Variants in ECE1 observed in about 807,000 individuals in gnomAD.
ECE1 encodes the protein endothelin-converting enzyme 1.
In ECE1, 35 loss-of-function variants were observed where a neutral mutation model predicts 98.6. The observed-to-expected ratio is 0.35, with a 90% confidence interval of 0.27 to 0.47. ECE1 has a LOEUF of 0.47. Ranked by LOEUF, ECE1 falls within the 20% of genes least tolerant of loss-of-function variation. The pLI, the probability that ECE1 is intolerant of heterozygous loss-of-function variation, is 1.00. For synonymous variants in ECE1, 394 were observed against 407.1 expected (o/e 0.97, Z 0.39); for missense variants, 814 against 1,025.3 (o/e 0.79, Z 2.81).
In ECE1 at chr1:21,310,455, G is replaced by T. The variant is rs182082795; in HGVS notation, c.4-20299C>A. ...TGACTTAGTAGAGGTGGGGCCTGAT[G>T]CTGTGATTGACAGCCTGGTTAATCG... On this transcript the variant is annotated intron_variant, in intron 1 of 18. Transcript: ENST00000415912. 1.9e-3 allele frequency among the ~76,000 whole-genome samples: 284 copies of T among 152,334 alleles called. 3 individuals are homozygous for T. Among genetic ancestry groups the T allele is most frequent in the Non-Finnish European group, 9.0e-4 (61 of 68,034 alleles).
In ECE1 at chr1:21,314,058, T is replaced by C. The variant is rs1032574828; in HGVS notation, c.4-23902A>G. On this transcript the variant is annotated intron_variant, in intron 1 of 18. Coordinates refer to the ECE1 transcript ENST00000415912. ...CAAAAGCCACATCTTGAGCAATGACTTCATTCTAGGTTCCGTGCTAAGCAC... is the reference window on the plus strand; with the variant it reads ...CAAAAGCCACATCTTGAGCAATGACCTCATTCTAGGTTCCGTGCTAAGCAC... Among the ~76,000 whole-genome samples, 5 of 152,212 alleles carry C rather than the reference T, an allele frequency of 3.3e-5. No homozygotes were observed. In the East Asian group the frequency reaches 7.7e-4, roughly 23 times the overall value.
intron 14 of ECE1, among the ~76,000 whole-genome samples, chr1:21,228,382 G>A (rs977824240): frequency 5.3e-5 from 8 of 152,088 alleles, no homozygotes; most frequent in African/African-American, 1.7e-4. Flanking sequence ...TGCTTTTTAG[G>A]AGAAAACTAG....
chr1:21,256,206 G>C (rs187713219), intron 7 of ECE1, 68 bp from the exon 8 acceptor site: 15,854 of 1,526,574 alleles, frequency 0.01, 103 homozygotes, highest in Non-Finnish European at 0.013. Flanking sequence ...GAGTTGGTGG[G>C]GGGCTTGGCC....
At position 21,322,930 on chromosome 1, in the gene ECE1, G is replaced by A. The variant is rs879464639; in HGVS notation, c.3+22446C>T. On this transcript the variant is annotated intron_variant, in intron 1 of 18. Transcript: ENST00000415912. The surrounding 1 kb of genome is among the most constrained non-coding windows in gnomAD (Gnocchi z 4.1). ...GGGAGGGCAGGTCCCAGGGCTCAGG[G>A]GTTGGGGTCATTTCCAAAAACAAGG... Among the ~76,000 whole-genome samples, 1 of 152,106 alleles carries A rather than the reference G, an allele frequency of 6.6e-6. No individual in the cohort carries two copies. Among genetic ancestry groups the A allele is most frequent in the Non-Finnish European group, 1.5e-5 (1 of 68,016 alleles).
chr1:21,318,907 C>T (rs12075526), intron 1 of ECE1, among the ~76,000 whole-genome samples: 7 of 152,182 alleles, frequency 4.6e-5, no homozygotes, highest in African/African-American at 1.4e-4. Context: ...GGAAATGTGA[C>T]GTCAGCAGAG....
At position 21,319,235 on chromosome 1, in the gene ECE1, C is replaced by CT. The variant is rs1157113850; in HGVS notation, c.3+26140dup. On this transcript the variant is annotated intron_variant, in intron 1 of 18. Coordinates refer to the ECE1 transcript ENST00000415912. The surrounding 1 kb of genome is among the most constrained non-coding windows in gnomAD (Gnocchi z 4.4). The stretch of plus-strand genomic sequence containing the variant: ...TGGTGTGCGTCTATAATCCCAGCTA[C>CT]TTGGGAGGCTGAGGTGGGACAATCG... Among the ~76,000 whole-genome samples, 1 of 152,152 alleles carries CT rather than the reference C, an allele frequency of 6.6e-6. No homozygotes were observed. Among genetic ancestry groups the CT allele is most frequent in the Non-Finnish European group, 1.5e-5 (1 of 68,016 alleles).
In ECE1 at chr1:21,345,479, G is replaced by T. The variant is rs552381658; in HGVS notation, c.-101C>A. On this transcript the variant is annotated 5_prime_UTR_variant, in exon 1 of 19. Transcript: ENST00000415912. This position sits in a 1 kb window ranked among gnomAD's most constrained non-coding sequence, Gnocchi z 5.1. ...CCCAGCCCAGCTGCTCGGACGGCTCGGCTGCCTGGCCCAGGCGGCGCGCTC... is the reference window on the plus strand; with the variant it reads ...CCCAGCCCAGCTGCTCGGACGGCTCTGCTGCCTGGCCCAGGCGGCGCGCTC... 3 of 1,115,948 alleles carry T rather than the reference G, an allele frequency of 2.7e-6. No homozygotes were observed. The highest frequency in any genetic ancestry group is 3.4e-6 in the Non-Finnish European group (3 of 883,788). 69.1% of individuals were successfully genotyped at this position (1,115,948 alleles called of 1,614,324 possible). A position where few individuals can be genotyped will look rare whatever the true frequency, so the allele number is the denominator to read the frequency against.
rs1448484575 is a variant in ECE1 at position 21,345,184 on chromosome 1, C to T, written c.3+192G>A. On this transcript the variant is annotated intron_variant, in intron 1 of 18. Transcript: ENST00000415912. The surrounding 1 kb of genome is among the most constrained non-coding windows in gnomAD (Gnocchi z 5.1). ...CCCCCGACGGGACCAAGCGCAGCGC[C>T]GCCGGGAGAGCCGCGCTCTGCCCGG... The T allele has an allele frequency of 4.1e-6, 3 of 727,794 alleles. No homozygotes were observed. Among genetic ancestry groups the T allele is most frequent in the Non-Finnish European group, 5.4e-6 (3 of 560,442 alleles). 45.1% of individuals were successfully genotyped at this position (727,794 alleles called of 1,614,324 possible). A position where few individuals can be genotyped will look rare whatever the true frequency, so the allele number is the denominator to read the frequency against.
At chr1:21,333,104 C>G (rs185247696) in intron 1 of ECE1, among the ~76,000 whole-genome samples, 13 of 152,148 alleles carry the variant, frequency 8.5e-5, no homozygotes, top group Non-Finnish European at 1.6e-4. Context: ...TCCTTGGTGA[C>G]AATTCAATGG....
chr1:21,261,535 C>T (rs1175136281), intron 4 of ECE1, among the ~76,000 whole-genome samples: 2 of 152,178 alleles, frequency 1.3e-5, no homozygotes, highest in East Asian at 1.9e-4. Flanking sequence ...TTGATGAAGG[C>T]TCTCCTAAGA....
rs754211512 is a variant in ECE1 at position 21,233,440 on chromosome 1, C to T, written c.1670+118G>A. The T allele has an allele frequency of 8.6e-5, 75 of 871,998 alleles. No homozygotes were observed. The highest frequency in any genetic ancestry group is 1.2e-4 in the Non-Finnish European group (65 of 553,958). 54.0% of individuals were successfully genotyped at this position (871,998 alleles called of 1,614,324 possible). ...ATAACAAGGGCATCCACTCTTCAGA[C>T]GGCTCTCGTGATAGCTGATCGGGTG... On this transcript the variant is annotated intron_variant, in intron 14 of 18. Transcript: ENST00000374893. The surrounding 1 kb of genome is among the most constrained non-coding windows in gnomAD (Gnocchi z 4.0).
intron 14 of ECE1, among the ~76,000 whole-genome samples, chr1:21,231,512 T>C (rs1243016417): frequency 3.3e-5 from 5 of 152,062 alleles, no homozygotes; most frequent in Non-Finnish European, 7.4e-5. Context: ...TGGCTAATTT[T>C]TGTATATTTA....
chr1:21,339,074 G>A (rs1408312128), intron 1 of ECE1, among the ~76,000 whole-genome samples: 2 of 152,000 alleles, frequency 1.3e-5, no homozygotes, highest in Non-Finnish European at 2.9e-5. Context: ...CAGGCCAGGG[G>A]ACCAGGTGGT....
rs1312607658 is a variant in ECE1 at position 21,332,094 on chromosome 1, C to T, written c.3+13282G>A. ...CAGCCTTACTGCACCCTCCCCCACC[C>T]CATCCTCAGCACCCAGTGGTGTGCA... On this transcript the variant is annotated intron_variant, in intron 1 of 18. Transcript: ENST00000415912. Among the ~76,000 whole-genome samples the T allele has an allele frequency of 2.0e-5, 3 of 152,290 alleles. No homozygotes were observed. The East Asian group carries it at 5.8e-4, about 29-fold the overall frequency.
Position 21,236,784 on chromosome 1 carries a change from A to G in ECE1, c.1450T>C (p.Trp484Arg), listed in dbSNP as rs1164820430. The change falls in exon 12 of 19, where the codon TGG becomes CGG. Residue 484 changes from tryptophan to arginine, a missense_variant. Transcript: ENST00000374893. Reference sequence around the variant, plus strand: ...GATTTTCGGGTTTCCTCATCCATCCACTTCAGGGTGCTCAGGCTTTCCTCA... The same window carrying G: ...GATTTTCGGGTTTCCTCATCCATCCGCTTCAGGGTGCTCAGGCTTTCCTCA... ...AFEESLSTLK[W>R]MDEETRKSAK... 6.2e-7 allele frequency: 1 copy of G among 1,611,170 alleles called. No homozygotes were observed. The highest frequency in any genetic ancestry group is 8.5e-7 in the Non-Finnish European group (1 of 1,179,516).
intron 1 of ECE1, among the ~76,000 whole-genome samples, chr1:21,323,932 C>A (rs1413771101): frequency 6.6e-6 from 1 of 151,658 alleles, no homozygotes; most frequent in Non-Finnish European, 1.5e-5. Context: ...TATTTTCCTG[C>A]CTCAGCCTCC....
At position 21,228,107 on chromosome 1, in the gene ECE1, G is replaced by C. The variant is rs2098176828; in HGVS notation, c.1671-66C>G. On this transcript the variant is annotated intron_variant, in intron 14 of 18. Coordinates refer to ENST00000374893, the MANE Select transcript of ECE1 (RefSeq NM_001397.3). ...GGAGGCAGGTGGGGACAGCCTGCCT[G>C]GAGCGCTGCTTGGGGATCGGGAATA... is the stretch of plus-strand genomic sequence containing the variant. 8 of 1,297,834 alleles carry C rather than the reference G, an allele frequency of 6.2e-6. No individual in the cohort carries two copies. In the Admixed American group the frequency reaches 8.5e-5, roughly 14 times the overall value. The allele number at this position is 1,297,834 out of a possible 1,614,324, so 80.4% of individuals were successfully genotyped here. A position where few individuals can be genotyped will look rare whatever the true frequency, so the allele number is the denominator to read the frequency against.
chr1:21,330,480 C>T (rs779825621), intron 1 of ECE1, among the ~76,000 whole-genome samples: 3 of 151,986 alleles, frequency 2.0e-5, no homozygotes, highest in Non-Finnish European at 4.4e-5. Flanking sequence ...ACCCACCCAT[C>T]GCAGCCTCCC....
At chr1:21,254,247 A>C (rs935023380) in intron 8 of ECE1, among the ~76,000 whole-genome samples, 6 of 152,030 alleles carry the variant, frequency 3.9e-5, no homozygotes, top group African/African-American at 1.4e-4. Flanking sequence ...ACTCGAGAGA[A>C]TCCATATATT....
Sources: gnomAD v4.1 joint callset for allele counts (sites outside exome capture counted in the v4.1 genomes callset) on GRCh38, gnomAD v4.1.1 for gene constraint, Gnocchi (gnomAD v3.1) non-coding constraint, MANE v1.5 for transcripts, NCBI Gene and HGNC (gene_info 2026-07-23, HGNC 2026-07-21) for gene names.